PAX6: variants seen among roughly 807,000 people sequenced by gnomAD.
The protein encoded by PAX6 is paired box protein Pax-6.
PAX6 carries 7 observed loss-of-function variants against 60.7 expected under a neutral mutation model. That is an observed-to-expected ratio of 0.12 (90% CI 0.07 to 0.22). PAX6 has a LOEUF of 0.22. Ranked by LOEUF, PAX6 falls within the 10% of genes least tolerant of loss-of-function variation. PAX6 has a pLI of 1.00. For synonymous variants in PAX6, 208 were observed against 201.2 expected (o/e 1.03, Z -0.29); for missense variants, 355 against 555.2 (o/e 0.64, Z 3.62).
At chr11:31,790,470 G>A in intron 13 of PAX6, 1 of 1,375,856 alleles carries the variant, frequency 7.3e-7, no homozygotes, top group Non-Finnish European at 9.4e-7. Context: ...GCAGTCTCAG[G>A]CCTTGTCTTC....
Position 31,802,464 on chromosome 11 carries a change from T to C in PAX6, c.141+240A>G, listed in dbSNP as rs182817256. 8.1e-5 allele frequency: 40 copies of C among 495,644 alleles called. No individual in the cohort carries two copies. In the Admixed American group the frequency reaches 9.8e-4, roughly 12 times the overall value. 30.7% of individuals were successfully genotyped at this position (495,644 alleles called of 1,614,324 possible). A position where few individuals can be genotyped will look rare whatever the true frequency, so the allele number is the denominator to read the frequency against. On this transcript the variant is annotated intron_variant, in intron 5 of 13. Coordinates refer to ENST00000640368, the MANE Select transcript of PAX6 (RefSeq NM_001368894.2). ...TTTTTTTAAAAAAATCCGCACACAATATTTTTCTGAAGCAGATGAGTTATC... is the reference window on the plus strand; with the variant it reads ...TTTTTTTAAAAAAATCCGCACACAACATTTTTCTGAAGCAGATGAGTTATC...
intron 8 of PAX6, among the ~76,000 whole-genome samples, chr11:31,797,018 C>A (rs1286274839): frequency 6.6e-6 from 1 of 152,130 alleles, no homozygotes; most frequent in Non-Finnish European, 1.5e-5. Flanking sequence ...ACCACCCCCA[C>A]CCCTCGCTTT....
At chr11:31,801,849 C>G in intron 6 of PAX6, 22 bp downstream of exon 6, 1 of 1,613,324 alleles carries the variant, frequency 6.2e-7, no homozygotes, top group Non-Finnish European at 8.5e-7. Flanking sequence ...TTTAAGTATG[C>G]ATTAAACAAT....
chr11:31,794,258 T>C (rs1950760586), intron 9 of PAX6, 144 bp from the exon 10 acceptor site: 3 of 742,430 alleles, frequency 4.0e-6, no homozygotes, highest in Non-Finnish European at 7.4e-6. Flanking sequence ...TTGACTGTAC[T>C]TGGAAGAACT....
At chr11:31,816,445 C>A in intron 1 of PAX6, 1 of 670,092 alleles carries the variant, frequency 1.5e-6, no homozygotes. Context: ...GTAATTATGT[C>A]ACCGCGTTTT....
At chr11:31,810,625 T>C (rs1159573253) in intron 2 of PAX6, 1 of 366,240 alleles carries the variant, frequency 2.7e-6, no homozygotes, top group Non-Finnish European at 4.9e-6. Context: ...CCGCTCCCGC[T>C]CGCCGGCAGT....
chr11:31,795,549 C>G (rs747849556), intron 8 of PAX6, among the ~76,000 whole-genome samples: 4 of 152,134 alleles, frequency 2.6e-5, no homozygotes. Flanking sequence ...AAATTTTTAA[C>G]GTGTAATTTT....
chr11:31,801,782 TA>T lies in PAX6; in HGVS notation c.184-7del. On this transcript the variant is annotated splice_region_variant and splice_polypyrimidine_tract_variant and intron_variant, in intron 6 of 13. Coordinates refer to ENST00000640368, the MANE Select transcript of PAX6 (RefSeq NM_001368894.2). Reference sequence around the variant, plus strand: ...CTCACACATCCGTTGGACACCTGCATAGGGGAAGTGGACAGAAAACCACATT... The same window carrying T: ...CTCACACATCCGTTGGACACCTGCATGGGGAAGTGGACAGAAAACCACATT... 6.2e-7 allele frequency: 1 copy of T among 1,614,148 alleles called. No homozygotes were observed.
At chr11:31,802,087 C>T (rs1954123372) in intron 5 of PAX6, 175 bp from the exon 6 acceptor site, 2 of 621,684 alleles carry the variant, frequency 3.2e-6, no homozygotes, top group East Asian at 2.8e-5. Context: ...TTAAACACTG[C>T]CTGAAGATGC....
intron 5 of PAX6, 168 bp downstream of exon 5, chr11:31,802,536 G>A (rs1307421679): frequency 1.4e-5 from 9 of 650,028 alleles, no homozygotes; most frequent in African/African-American, 7.4e-5. Context: ...GATGGTGGAA[G>A]GAGAGGGGAA....
rs185646204 is a variant in PAX6, at chr11:31,802,573, G to A, written c.141+131C>T. The A allele has an allele frequency of 3.8e-3, 3,417 of 893,460 alleles. 217 individuals carry two copies. The Admixed American group carries it at 0.083, about 22-fold the overall frequency. 55.3% of individuals were successfully genotyped at this position (893,460 alleles called of 1,614,324 possible). On this transcript the variant is annotated intron_variant, in intron 5 of 13. Transcript: ENST00000640368. ...GTGGGAAGGCAGGGGAGTGGGTGGG[G>A]GGACTGGGGACTGGGGTGGGTGAGG... is the stretch of plus-strand genomic sequence containing the variant.
In PAX6 at chr11:31,789,642, T is replaced by G. The variant is rs150518775; in HGVS notation, c.*292A>C. The G allele has an allele frequency of 1.9e-5, 13 of 698,174 alleles. No individual in the cohort carries two copies. The highest frequency in any genetic ancestry group is 2.3e-4 in the Middle Eastern group (1 of 4,314). 43.2% of individuals were successfully genotyped at this position (698,174 alleles called of 1,614,324 possible). A position where few individuals can be genotyped will look rare whatever the true frequency, so the allele number is the denominator to read the frequency against. On this transcript the variant is annotated 3_prime_UTR_variant, in exon 14 of 14. Coordinates refer to ENST00000640368, the MANE Select transcript of PAX6 (RefSeq NM_001368894.2). ...ACATCCATCCAGTCTACATTGTTCT[T>G]TTTTTCATTATAACATACAAATGCC...
chr11:31,809,622 GA>G (rs1326062944), intron 2 of PAX6: 1 of 152,186 alleles, frequency 6.6e-6, no homozygotes. Context: ...CACAAGGAAA[GA>G]GGCAACAACT....
Position 31,811,106 on chromosome 11 carries a change from C to T in PAX6, c.-317+9G>A. 1 of 399,142 alleles carries T rather than the reference C, an allele frequency of 2.5e-6. No homozygotes were observed. The highest frequency in any genetic ancestry group is 4.4e-6 in the Non-Finnish European group (1 of 226,156). 24.7% of individuals were successfully genotyped at this position (399,142 alleles called of 1,614,324 possible). A position where few individuals can be genotyped will look rare whatever the true frequency, so the allele number is the denominator to read the frequency against. Reference sequence around the variant, plus strand: ...GTGTGGGTGAGGGAAGTGGCTGCAGCCAGCACACCTATGCTGATTGGTGAT... The same window carrying T: ...GTGTGGGTGAGGGAAGTGGCTGCAGTCAGCACACCTATGCTGATTGGTGAT... On this transcript the variant is annotated intron_variant, in intron 1 of 13. Transcript: ENST00000640368.
chr11:31,796,140 A>G (rs541172824), intron 8 of PAX6, among the ~76,000 whole-genome samples: 1 of 152,198 alleles, frequency 6.6e-6, no homozygotes, highest in Admixed American at 6.5e-5. Context: ...GGCACTGGCC[A>G]CCATATGGGC....
intron 8 of PAX6, among the ~76,000 whole-genome samples, chr11:31,796,571 G>A (rs113859447): frequency 0.2 from 26,651 of 133,526 alleles, 2,885 homozygotes; most frequent in Middle Eastern, 0.24. Context: ...GAGATGGAGG[G>A]GAGGCAGGAT....
intron 12 of PAX6, 145 bp from the exon 13 acceptor site, chr11:31,791,005 A>C: frequency 7.8e-6 from 7 of 895,524 alleles, no homozygotes; most frequent in Non-Finnish European, 1.3e-5. Flanking sequence ...CATATGATAA[A>C]TCTAAGATTG....
chr11:31,790,296 AC>A, intron 13 of PAX6: 3 of 605,554 alleles, frequency 5.0e-6, no homozygotes, highest in Non-Finnish European at 7.5e-6. Context: ...CATGTTTGGA[AC>A]TTTTACAATA....
intron 7 of PAX6, 42 bp downstream of exon 7, chr11:31,801,519 T>G: frequency 6.2e-7 from 1 of 1,613,530 alleles, no homozygotes; most frequent in Non-Finnish European, 8.5e-7. Flanking sequence ...GAGAGAGCAT[T>G]GGGCTTAGGG....
Sources: gnomAD v4.1 joint callset for allele counts (sites outside exome capture counted in the v4.1 genomes callset) on GRCh38, gnomAD v4.1.1 for gene constraint, MANE v1.5 for transcripts, NCBI Gene and HGNC (gene_info 2026-07-23, HGNC 2026-07-21) for gene names.